The following ULK4 variants were observed in gnomAD, a reference collection of about 807,000 sequenced individuals.
ULK4 encodes the protein unc-51 like kinase 4, also known as inactive serine/threonine-protein kinase ULK4.
Under a neutral mutation model 160.6 loss-of-function variants are expected in ULK4, and 133 were observed. That is an observed-to-expected ratio of 0.83 (90% CI 0.72 to 0.96). The LOEUF (loss-of-function observed/expected upper bound fraction) is 0.96, where lower values mean the gene tolerates loss of function less well. Ranked by LOEUF, ULK4 falls within the 40% of genes least tolerant of loss-of-function variation. The probability of loss-of-function intolerance (pLI) is 0.00; values close to 1 mark genes in which losing one functional copy is unlikely to be tolerated. For synonymous variants in ULK4, 534 were observed against 539.8 expected, an observed-to-expected ratio of 0.99 and a Z score of 0.15; for missense variants, 1,580 against 1,499.5, an observed-to-expected ratio of 1.05 and a Z score of -0.89.
intron 25 of ULK4, among the ~76,000 whole-genome samples, chr3:41,706,869 GTGTGTGTGTGTGTGTGTGTGTA>G (rs1270637510): frequency 7.9e-6 from 1 of 127,310 alleles, no homozygotes; most frequent in African/African-American, 4.3e-5. Context: ...GTGTGTGTGT[GTGTGTGTGTGTGTGTGTGTGTA>G]TATATATATA....
chr3:41,560,827 C>T (rs2087534937), intron 32 of ULK4, among the ~76,000 whole-genome samples: 2 of 152,186 alleles, frequency 1.3e-5, no homozygotes, highest in South Asian at 4.1e-4. Flanking sequence ...AATTTGACTT[C>T]CTCCTTTCCT....
intron 30 of ULK4, among the ~76,000 whole-genome samples, chr3:41,626,307 A>G (rs1002028132): frequency 3.9e-5 from 6 of 152,138 alleles, no homozygotes; most frequent in African/African-American, 9.7e-5. Context: ...TGATAGTCCA[A>G]GTGTCAATAC....
intron 17 of ULK4, among the ~76,000 whole-genome samples, chr3:41,874,036 G>C (rs1454152657): frequency 1.3e-5 from 2 of 151,936 alleles, no homozygotes; most frequent in African/African-American, 4.8e-5. Flanking sequence ...GGAAAAATAA[G>C]TCCATATATA....
At chr3:41,942,903 C>T (rs1301797871) in intron 2 of ULK4, among the ~76,000 whole-genome samples, 1 of 151,970 alleles carries the variant, frequency 6.6e-6, no homozygotes, top group Non-Finnish European at 1.5e-5. Context: ...ATTGTGTATA[C>T]TGGCTTTAGA....
chr3:41,672,279 C>A (rs1000906798), intron 29 of ULK4, among the ~76,000 whole-genome samples: 2 of 152,126 alleles, frequency 1.3e-5, no homozygotes, highest in Non-Finnish European at 2.9e-5. Context: ...ATGTTTCTTG[C>A]AGTGCTATTC....
chr3:41,273,611 T>C (rs1473655335), intron 35 of ULK4, among the ~76,000 whole-genome samples: 1 of 152,140 alleles, frequency 6.6e-6, no homozygotes, highest in Non-Finnish European at 1.5e-5. Context: ...CCTCAGTTCC[T>C]CTCTCCTATA....
At chr3:41,781,472 T>C (rs2039839580) in intron 21 of ULK4, among the ~76,000 whole-genome samples, 1 of 151,812 alleles carries the variant, frequency 6.6e-6, no homozygotes, top group South Asian at 2.1e-4. Context: ...TTTGAGAATG[T>C]ATTAATTTTT....
chr3:41,383,782 A>G (rs2081732735), intron 35 of ULK4, among the ~76,000 whole-genome samples: 1 of 152,150 alleles, frequency 6.6e-6, no homozygotes, highest in African/African-American at 2.4e-5. Flanking sequence ...TTTACTTACA[A>G]CTTATACTGG....
At chr3:41,795,188 C>T (rs2040267738) in intron 20 of ULK4, among the ~76,000 whole-genome samples, 1 of 152,178 alleles carries the variant, frequency 6.6e-6, no homozygotes, top group South Asian at 2.1e-4. Flanking sequence ...GAATTATCTT[C>T]CAAATGCATA....
At chr3:41,262,184 G>C (rs1367399727) in intron 35 of ULK4, among the ~76,000 whole-genome samples, 1 of 152,240 alleles carries the variant, frequency 6.6e-6, no homozygotes, top group African/African-American at 2.4e-5. Context: ...GCGAGAGACA[G>C]GGCCGGTGTC....
intron 30 of ULK4, among the ~76,000 whole-genome samples, chr3:41,628,263 C>T (rs2033608058): frequency 6.6e-6 from 1 of 152,104 alleles, no homozygotes; most frequent in African/African-American, 2.4e-5. Flanking sequence ...AAGTTTGTGA[C>T]AGTTTTAAAA....
In ULK4 at chr3:41,666,618, G is replaced by C. The variant is rs75768473; in HGVS notation, c.2979-2919C>G. On this transcript the variant is annotated intron_variant, in intron 29 of 36. Coordinates refer to ENST00000301831, the MANE Select transcript of ULK4 (RefSeq NM_017886.4). ...GTCCTTCGTGTACCCTGGATAACCAGCTCTCCTTGTTCCCACTCCAAGACA... is the reference window on the plus strand; with the variant it reads ...GTCCTTCGTGTACCCTGGATAACCACCTCTCCTTGTTCCCACTCCAAGACA... 7.5e-3 allele frequency among the ~76,000 whole-genome samples: 1,141 copies of C among 152,272 alleles called. 10 individuals are homozygous for C. Among genetic ancestry groups the C allele is most frequent in the African/African-American group, 0.025 (1,029 of 41,562 alleles).
At chr3:41,916,708 T>TC (rs1175219869) in intron 7 of ULK4, among the ~76,000 whole-genome samples, 1 of 150,344 alleles carries the variant, frequency 6.7e-6, no homozygotes, top group African/African-American at 2.4e-5. Flanking sequence ...CCAACTATTT[T>TC]TTTTTTTTTT....
chr3:41,308,955 T>G (rs2079998382), intron 35 of ULK4, among the ~76,000 whole-genome samples: 1 of 152,208 alleles, frequency 6.6e-6, no homozygotes, highest in African/African-American at 2.4e-5. Flanking sequence ...CAACATTCAT[T>G]GAATAAAAGC....
chr3:41,785,951 C>T (rs1292838445), intron 21 of ULK4, among the ~76,000 whole-genome samples: 1 of 151,878 alleles, frequency 6.6e-6, no homozygotes, highest in African/African-American at 2.4e-5. Flanking sequence ...AAGGCTGAAC[C>T]ACAAAGTTCT....
intron 32 of ULK4, among the ~76,000 whole-genome samples, chr3:41,528,888 T>A (rs566828198): frequency 6.6e-6 from 1 of 152,332 alleles, no homozygotes; most frequent in East Asian, 1.9e-4. Context: ...CTGGGCTTAA[T>A]ACCTGGGTGA....
rs1306949954 is a variant in ULK4 at position 41,708,706 on chromosome 3, G to T, written c.2635-3401C>A. 2.0e-5 allele frequency among the ~76,000 whole-genome samples: 3 copies of T among 152,098 alleles called. No homozygotes were observed. In the East Asian group the frequency reaches 5.8e-4, roughly 29 times the overall value. ...GCAGTAGGTGAGTATAGTTAATAAA[G>T]ATGTAGTCCTGAAAATTGGTAATAG... On this transcript the variant is annotated intron_variant, in intron 25 of 36. Transcript: ENST00000301831.
At chr3:41,945,133 C>T (rs368220149) in intron 2 of ULK4, among the ~76,000 whole-genome samples, 23 of 152,286 alleles carry the variant, frequency 1.5e-4, no homozygotes, top group African/African-American at 5.1e-4. Context: ...TCCATCAGAA[C>T]ATTAAGGAAT....
At chr3:41,943,308 G>A (rs1624519) in intron 2 of ULK4, among the ~76,000 whole-genome samples, 103,699 of 151,366 alleles carry the variant, frequency 0.69, 38,990 homozygotes, top group East Asian at 0.83. Context: ...TTCAAAATTA[G>A]ATTTGTGGCC....
Sources: gnomAD v4.1 joint callset for allele counts (sites outside exome capture counted in the v4.1 genomes callset) on GRCh38, gnomAD v4.1.1 for gene constraint, MANE v1.5 for transcripts, NCBI Gene and HGNC (gene_info 2026-07-23, HGNC 2026-07-21) for gene names.